The following SUCO variants were observed in gnomAD, a reference collection of about 807,000 sequenced individuals.
SUCO encodes the protein SUN domain-containing ossification factor.
In SUCO, 57 loss-of-function variants were observed where a neutral mutation model predicts 148.1. That is an observed-to-expected ratio of 0.38 (90% CI 0.31 to 0.48). The LOEUF is 0.48. Among genes scored for constraint, SUCO ranks in the 20% least tolerant of loss-of-function variants. The pLI, the probability that SUCO is intolerant of heterozygous loss-of-function variation, is 0.96. For synonymous variants in SUCO, 470 were observed against 502.7 expected (o/e 0.93, Z 0.87); for missense variants, 1,331 against 1,468.2 (o/e 0.91, Z 1.53).
At chr1:172,594,986 A>G (rs1022439970) in intron 19 of SUCO, among the ~76,000 whole-genome samples, 1 of 152,144 alleles carries the variant, frequency 6.6e-6, no homozygotes, top group Non-Finnish European at 1.5e-5. Flanking sequence ...GCATATATGT[A>G]TTTAGGATGG....
At chr1:172,535,825 A>G (rs990642112) in intron 1 of SUCO, among the ~76,000 whole-genome samples, 3 of 152,148 alleles carry the variant, frequency 2.0e-5, no homozygotes, top group Non-Finnish European at 4.4e-5. Flanking sequence ...TATGTTTACT[A>G]TCATAATTTT....
intron 2 of SUCO, chr1:172,552,052 C>G (rs553822624): frequency 6.6e-6 from 1 of 152,152 alleles, no homozygotes; most frequent in African/African-American, 2.4e-5. Flanking sequence ...TCCAAAAAAC[C>G]TCATGGTCTT....
chr1:172,581,673 T>G (rs1558198155), intron 15 of SUCO, among the ~76,000 whole-genome samples: 1 of 152,236 alleles, frequency 6.6e-6, no homozygotes, highest in African/African-American at 2.4e-5. Context: ...CATCACTGCT[T>G]TCTAAATTAG....
intron 15 of SUCO, among the ~76,000 whole-genome samples, chr1:172,583,361 A>G (rs893297144): frequency 6.6e-6 from 1 of 152,196 alleles, no homozygotes; most frequent in South Asian, 2.1e-4. Context: ...TTTGTGTGTT[A>G]CAGTAATGAT....
chr1:172,577,916 G>T, intron 13 of SUCO, 97 bp downstream of exon 13: 2 of 846,142 alleles, frequency 2.4e-6, no homozygotes, highest in Non-Finnish European at 1.8e-6. Flanking sequence ...TCTCTTACGT[G>T]AGTTAATACC....
chr1:172,605,533 G>A (rs1302958358), intron 22 of SUCO, among the ~76,000 whole-genome samples: 3 of 151,754 alleles, frequency 2.0e-5, no homozygotes, highest in Non-Finnish European at 1.5e-5. Flanking sequence ...CTGTGTTTAT[G>A]CCAGTACTCT....
intron 19 of SUCO, among the ~76,000 whole-genome samples, chr1:172,596,939 G>C (rs1440999756): frequency 1.3e-5 from 2 of 152,246 alleles, no homozygotes; most frequent in Non-Finnish European, 2.9e-5. Flanking sequence ...GCTCCACCCA[G>C]TTCGAGCTTC....
intron 22 of SUCO, among the ~76,000 whole-genome samples, chr1:172,605,294 T>C (rs1657797981): frequency 6.6e-6 from 1 of 151,898 alleles, no homozygotes; most frequent in African/African-American, 2.4e-5. Flanking sequence ...TCCAAGACTT[T>C]TATAGATTTA....
chr1:172,591,247 T>C (rs1316140124), intron 19 of SUCO, among the ~76,000 whole-genome samples, 176 bp downstream of exon 19: 1 of 152,178 alleles, frequency 6.6e-6, no homozygotes, highest in Non-Finnish European at 1.5e-5. Flanking sequence ...TTAGCATCAT[T>C]ATCTTCTGTA....
At chr1:172,587,759 T>C (rs1248167293) in intron 17 of SUCO, among the ~76,000 whole-genome samples, 1 of 152,180 alleles carries the variant, frequency 6.6e-6, no homozygotes, top group East Asian at 1.9e-4. Context: ...CCTGGCATGC[T>C]TAGTAATTTT....
At chr1:172,584,391 A>G in intron 15 of SUCO, 1 of 936,626 alleles carries the variant, frequency 1.1e-6, no homozygotes, top group Non-Finnish European at 1.3e-6. Flanking sequence ...TCCCTGTCCC[A>G]GTACAGACTG....
In SUCO at chr1:172,590,998, T is replaced by C; in HGVS notation, c.2840T>C (p.Met947Thr). 1.9e-6 allele frequency: 3 copies of C among 1,611,662 alleles called. No homozygotes were observed. The highest frequency in any genetic ancestry group is 2.5e-6 in the Non-Finnish European group (3 of 1,178,740). Residue 947 changes from methionine (M) to threonine (T), a missense_variant, in exon 19 of 24, where the codon ATG (methionine) becomes ACG (threonine). Met to Thr is a moderately conservative substitution (Grantham distance 81). Transcript: ENST00000263688. The part of the protein sequence containing the change: ...EELSQRYRKQ[M>T]EEMQKAFNKT... ...TTACTTCATAGGTACCGAAAACAAA[T>C]GGAAGAAATGCAAAAGGCTTTCAAT... is the stretch of plus-strand genomic sequence containing the variant.
At chr1:172,585,817 T>G in intron 16 of SUCO, 41 bp from the exon 17 acceptor site, 1 of 1,375,848 alleles carries the variant, frequency 7.3e-7, no homozygotes, top group African/African-American at 1.5e-5. Context: ...TGGTACAGCT[T>G]TTAAAATTGA....
intron 1 of SUCO, among the ~76,000 whole-genome samples, chr1:172,542,239 G>A (rs909510507): frequency 3.9e-5 from 6 of 151,974 alleles, no homozygotes; most frequent in Non-Finnish European, 7.4e-5. Context: ...AAAATTAGCC[G>A]GGCATGGTAG....
rs554957827 is a variant in SUCO at position 172,546,574 on chromosome 1, C to T, written c.63-4938C>T. Among the ~76,000 whole-genome samples, 44 of 152,278 alleles carry T rather than the reference C, an allele frequency of 2.9e-4. 1 individual carries two copies. The highest frequency in any genetic ancestry group is 6.8e-3 in the Middle Eastern group (2 of 294). On this transcript the variant is annotated intron_variant, in intron 1 of 23. Transcript: ENST00000263688. ...TCAAAAAAATCCAAGTTTTAACCCC[C>T]GGTCCCTCACTTATTAATTACAGGA... is the stretch of plus-strand genomic sequence containing the variant.
At chr1:172,575,690 C>G in intron 11 of SUCO, 67 bp downstream of exon 11, 1 of 1,056,314 alleles carries the variant, frequency 9.5e-7, no homozygotes, top group South Asian at 1.4e-5. Context: ...ACTTTATACA[C>G]CTCATCTTTT....
At chr1:172,591,728 C>T (rs1028431730) in intron 19 of SUCO, among the ~76,000 whole-genome samples, 3 of 151,938 alleles carry the variant, frequency 2.0e-5, no homozygotes, top group Admixed American at 1.3e-4. Context: ...TGAATAGTGC[C>T]ACAGTAAACA....
chr1:172,532,834 G>T, upstream of SUCO: 1 of 1,561,012 alleles, frequency 6.4e-7, no homozygotes, highest in Non-Finnish European at 8.6e-7. Context: ...GAGGATCACT[G>T]GGCTCCTCCC....
chr1:172,537,839 C>T (rs1024219818), intron 1 of SUCO, among the ~76,000 whole-genome samples: 1 of 152,140 alleles, frequency 6.6e-6, no homozygotes, highest in Non-Finnish European at 1.5e-5. Flanking sequence ...GAATTCATAT[C>T]CTACTTGTGG....
Sources: allele counts gnomAD v4.1 joint callset (sites outside exome capture counted in the v4.1 genomes callset), GRCh38; gene constraint gnomAD v4.1.1; transcripts MANE v1.5; gene names NCBI Gene and HGNC (gene_info 2026-07-23, HGNC 2026-07-21).